PCDH15: variants seen among roughly 807,000 people sequenced by gnomAD.
PCDH15 encodes the protein protocadherin related 15, also known as protocadherin-15.
In PCDH15, 129 loss-of-function variants were observed where a neutral mutation model predicts 178.5. The observed-to-expected ratio is 0.72, with a 90% CI of 0.63 to 0.84. The LOEUF is 0.84. PCDH15 is among the 40% of genes least tolerant of loss of function. PCDH15 has a pLI of 0.00. For synonymous variants in PCDH15, 800 were observed against 732.0 expected, an observed-to-expected ratio of 1.09 and a Z score of -1.50; for missense variants, 2,230 against 2,099.9, an observed-to-expected ratio of 1.06 and a Z score of -1.21.
intron 3 of PCDH15, among the ~76,000 whole-genome samples, chr10:54,520,455 A>G (rs1209706122): frequency 6.6e-6 from 1 of 152,204 alleles, no homozygotes; most frequent in Admixed American, 6.5e-5. Flanking sequence ...CAAAAAACAC[A>G]TGAAAAAATG....
At chr10:54,144,608 C>T (rs2043726901) in intron 14 of PCDH15, among the ~76,000 whole-genome samples, 1 of 152,096 alleles carries the variant, frequency 6.6e-6, no homozygotes, top group South Asian at 2.1e-4. Flanking sequence ...AGACTGATCT[C>T]CCATCGCCTC....
intron 2 of PCDH15, among the ~76,000 whole-genome samples, chr10:55,522,681 C>T (rs1244795742): frequency 6.6e-6 from 1 of 151,696 alleles, no homozygotes; most frequent in Non-Finnish European, 1.5e-5. Context: ...CATTGCTAAT[C>T]CCTTCACTTT....
At chr10:55,172,669 G>A (rs566670795) in intron 1 of PCDH15, among the ~76,000 whole-genome samples, 83 of 152,000 alleles carry the variant, frequency 5.5e-4, no homozygotes, top group African/African-American at 1.9e-3. Flanking sequence ...TTCCTGCTGA[G>A]AGAGTTCACA....
intron 1 of PCDH15, among the ~76,000 whole-genome samples, chr10:54,680,564 C>A (rs1188963403): frequency 6.6e-6 from 1 of 152,036 alleles, no homozygotes; most frequent in Non-Finnish European, 1.5e-5. Flanking sequence ...TGTCCCCACC[C>A]AAATCTCACC....
chr10:54,816,855 C>T lies in PCDH15; in HGVS notation c.-29+80595G>A, dbSNP rs1332080896. 2.6e-5 allele frequency among the ~76,000 whole-genome samples: 4 copies of T among 151,976 alleles called. No homozygotes were observed. The East Asian group carries it at 5.8e-4, about 22-fold the overall frequency. On this transcript the variant is annotated intron_variant, in intron 3 of 5. Transcript: ENST00000458638. The stretch of plus-strand genomic sequence containing the variant: ...AGTCACTATCTAATGGTATGAAATA[C>T]AACAGTTTTGAGCTACATTGACCTT...
At chr10:54,723,685 C>T (rs760657164) in intron 1 of PCDH15, among the ~76,000 whole-genome samples, 20 of 150,236 alleles carry the variant, frequency 1.3e-4, no homozygotes, top group Non-Finnish European at 2.4e-4. Flanking sequence ...ACAAGAAACT[C>T]GAACAACTCA....
intron 3 of PCDH15, among the ~76,000 whole-genome samples, chr10:54,498,386 A>G (rs1355580247): frequency 1.3e-5 from 2 of 152,188 alleles, no homozygotes; most frequent in Admixed American, 6.6e-5. Flanking sequence ...CTACAAAGGA[A>G]CTATACAATT....
chr10:54,635,570 G>C (rs1336788532), intron 2 of PCDH15, among the ~76,000 whole-genome samples: 2 of 151,664 alleles, frequency 1.3e-5, no homozygotes, highest in Non-Finnish European at 2.9e-5. Flanking sequence ...GCATTGTGTT[G>C]GGTAATTGGC....
At chr10:55,237,943 AT>A (rs1348679344) in intron 1 of PCDH15, among the ~76,000 whole-genome samples, 1 of 152,004 alleles carries the variant, frequency 6.6e-6, no homozygotes, top group Non-Finnish European at 1.5e-5. Context: ...AATGACTAAA[AT>A]TTAGCTTTTA....
chr10:55,282,506 C>T (rs1842758822), intron 1 of PCDH15, among the ~76,000 whole-genome samples: 1 of 152,092 alleles, frequency 6.6e-6, no homozygotes, highest in Non-Finnish European at 1.5e-5. Flanking sequence ...AATATATACA[C>T]ATATATAAAT....
chr10:54,810,606 T>C (rs1455865614), intron 3 of PCDH15, among the ~76,000 whole-genome samples: 2 of 152,154 alleles, frequency 1.3e-5, no homozygotes, highest in Non-Finnish European at 2.9e-5. Flanking sequence ...TTTGCATTGA[T>C]TCTAACATTT....
At chr10:55,263,266 T>C (rs572836413) in intron 1 of PCDH15, among the ~76,000 whole-genome samples, 1 of 152,316 alleles carries the variant, frequency 6.6e-6, no homozygotes, top group Admixed American at 6.5e-5. Flanking sequence ...CTCTCTTTTA[T>C]GGTTTGAAAT....
chr10:55,095,053 C>A (rs1307475831), intron 2 of PCDH15, among the ~76,000 whole-genome samples: 4 of 151,098 alleles, frequency 2.6e-5, no homozygotes, highest in Non-Finnish European at 5.9e-5. Flanking sequence ...TTCCAAGTAG[C>A]GGGACCACAA....
chr10:55,496,922 T>C (rs758591838), intron 2 of PCDH15, among the ~76,000 whole-genome samples: 1 of 151,878 alleles, frequency 6.6e-6, no homozygotes, highest in South Asian at 2.1e-4. Context: ...TCCATTGATT[T>C]TAGTAAGCTA....
chr10:54,559,876 AAAAGAAAAGGT>A, intron 2 of PCDH15, among the ~76,000 whole-genome samples: 1 of 51,600 alleles, frequency 1.9e-5, no homozygotes, highest in African/African-American at 4.8e-5. Context: ...AAAAAAAAAG[AAAAGAAAAGGT>A]GGTTTGCTCC....
At chr10:55,114,134 G>A (rs539954457) in intron 2 of PCDH15, among the ~76,000 whole-genome samples, 1 of 152,060 alleles carries the variant, frequency 6.6e-6, no homozygotes, top group Non-Finnish European at 1.5e-5. Context: ...TGTATTTTTG[G>A]TAGAGACGGG....
chr10:54,413,912 T>C (rs1030704619), intron 3 of PCDH15, among the ~76,000 whole-genome samples: 41 of 152,106 alleles, frequency 2.7e-4, no homozygotes, highest in African/African-American at 9.4e-4. Context: ...GACTGCTTAA[T>C]GGGTACAATG....
intron 17 of PCDH15, among the ~76,000 whole-genome samples, chr10:54,077,316 A>G (rs1456551320): frequency 1.3e-5 from 2 of 152,148 alleles, no homozygotes; most frequent in African/African-American, 4.8e-5. Context: ...AAATTACTGA[A>G]CAATGAACTA....
At chr10:54,984,231 C>T (rs1353381633) in intron 2 of PCDH15, among the ~76,000 whole-genome samples, 2 of 152,122 alleles carry the variant, frequency 1.3e-5, no homozygotes, top group African/African-American at 4.8e-5. Context: ...CCCTGTTTTC[C>T]TCTTCTCCCC....
Sources: allele counts gnomAD v4.1 joint callset (sites outside exome capture counted in the v4.1 genomes callset), GRCh38; gene constraint gnomAD v4.1.1; transcripts MANE v1.5; gene names NCBI Gene and HGNC (gene_info 2026-07-23, HGNC 2026-07-21).